The following FOXP1 variants were observed in gnomAD, a reference collection of about 807,000 sequenced individuals.
FOXP1 encodes the protein forkhead box protein P1.
Under a neutral mutation model 98.2 loss-of-function variants are expected in FOXP1, and 15 were observed. The ratio of observed to expected loss-of-function variants is 0.15; its 90% CI spans 0.10 to 0.24. The LOEUF is 0.24. Ranked by LOEUF, FOXP1 falls within the 10% of genes least tolerant of loss-of-function variation. The pLI is 1.00. For missense variants in FOXP1, 633 were observed against 848.5 expected, an observed-to-expected ratio of 0.75 and a Z score of 3.15; for synonymous variants, 371 against 314.5, an observed-to-expected ratio of 1.18 and a Z score of -1.90.
At chr3:71,200,789 G>A (rs2063623893) in intron 5 of FOXP1, among the ~76,000 whole-genome samples, 1 of 152,194 alleles carries the variant, frequency 6.6e-6, no homozygotes, top group Non-Finnish European at 1.5e-5. Context: ...CAATCTTTGG[G>A]TATCTTTAGA....
At chr3:71,004,504 C>T (rs1228401822) in intron 12 of FOXP1, among the ~76,000 whole-genome samples, 3 of 152,056 alleles carry the variant, frequency 2.0e-5, no homozygotes, top group East Asian at 1.9e-4. Context: ...TAGTTAATGG[C>T]TATTAACCTA....
intron 3 of FOXP1, among the ~76,000 whole-genome samples, chr3:71,366,508 AC>A (rs915551460): frequency 1.4e-4 from 22 of 152,280 alleles, no homozygotes; most frequent in Admixed American, 6.5e-4. Context: ...AATAAAATTA[AC>A]AGTATTTGCC....
At chr3:71,583,731 C>G (rs1299109421), upstream of FOXP1, 1 of 985,184 alleles carries the variant, frequency 1.0e-6, no homozygotes, top group East Asian at 1.1e-4. Context: ...GCGAGTACAG[C>G]GTGCAACCGC....
chr3:71,561,908 CAAGT>C (rs2046571358), intron 2 of FOXP1, among the ~76,000 whole-genome samples: 1 of 152,060 alleles, frequency 6.6e-6, no homozygotes, highest in Admixed American at 6.5e-5. Context: ...AAAGAAAATG[CAAGT>C]AAGTATAGCA....
intron 2 of FOXP1, among the ~76,000 whole-genome samples, chr3:71,507,893 TAA>T (rs1254217957): frequency 6.6e-6 from 1 of 152,216 alleles, no homozygotes; most frequent in African/African-American, 2.4e-5. Context: ...TGCTACTTTT[TAA>T]AGTTATTTGA....
chr3:71,321,594 G>C (rs1473648598), intron 4 of FOXP1, among the ~76,000 whole-genome samples: 2 of 151,890 alleles, frequency 1.3e-5, no homozygotes, highest in East Asian at 3.9e-4. Flanking sequence ...GTAACTGGCA[G>C]GCATAATTCA....
intron 11 of FOXP1, among the ~76,000 whole-genome samples, chr3:71,021,589 C>T (rs1384010559): frequency 4.6e-5 from 7 of 152,260 alleles, no homozygotes; most frequent in East Asian, 3.9e-4. Flanking sequence ...GGTAACTCTA[C>T]GGTTGACATT....
At chr3:71,176,743 CAAAAAAAAAAAAAAAAAA>C (rs573639526) in intron 6 of FOXP1, among the ~76,000 whole-genome samples, 11 of 75,520 alleles carry the variant, frequency 1.5e-4, no homozygotes, top group Non-Finnish European at 2.6e-4. Flanking sequence ...GAGGCTATCT[CAAAAAAAAAAAAAAAAAA>C]AAAAAAAAAA....
At chr3:71,282,108 T>C (rs1294291887) in intron 5 of FOXP1, among the ~76,000 whole-genome samples, 1 of 150,766 alleles carries the variant, frequency 6.6e-6, no homozygotes, top group Non-Finnish European at 1.5e-5. Flanking sequence ...AAAAAAAAAA[T>C]CTAAGCTGTA....
At chr3:71,429,941 A>G (rs1355311553) in intron 3 of FOXP1, among the ~76,000 whole-genome samples, 1 of 152,242 alleles carries the variant, frequency 6.6e-6, no homozygotes, top group Admixed American at 6.5e-5. Context: ...TATCCAGTGA[A>G]AAACAAAATT....
chr3:71,147,817 C>A (rs777350244), intron 6 of FOXP1, among the ~76,000 whole-genome samples: 4 of 152,026 alleles, frequency 2.6e-5, no homozygotes, highest in African/African-American at 9.7e-5. Flanking sequence ...AAAAAAAATT[C>A]TCGTCATCTC....
intron 3 of FOXP1, among the ~76,000 whole-genome samples, chr3:71,427,662 G>A (rs756052866): frequency 1.4e-4 from 21 of 152,214 alleles, no homozygotes; most frequent in Non-Finnish European, 2.9e-5. Context: ...CAGAATGAGA[G>A]GAGATGCTCA....
chr3:71,445,977 C>T (rs1436818773), intron 3 of FOXP1, among the ~76,000 whole-genome samples: 1 of 152,142 alleles, frequency 6.6e-6, no homozygotes, highest in African/African-American at 2.4e-5. Context: ...TGTGAGCCAC[C>T]GTGCCCGGCC....
At chr3:71,313,560 C>G (rs2074857022) in intron 4 of FOXP1, among the ~76,000 whole-genome samples, 1 of 150,500 alleles carries the variant, frequency 6.6e-6, no homozygotes, top group South Asian at 2.1e-4. Context: ...CAGTCTCGCA[C>G]TCTCGCCCAG....
chr3:71,162,703 C>CGAAAAT (rs2061202294), intron 6 of FOXP1, among the ~76,000 whole-genome samples: 2 of 152,104 alleles, frequency 1.3e-5, no homozygotes, highest in Non-Finnish European at 2.9e-5. Flanking sequence ...TGTTACTTGC[C>CGAAAAT]AACATGTGGA....
At chr3:71,158,122 A>G (rs1576101266) in intron 6 of FOXP1, among the ~76,000 whole-genome samples, 2 of 23,372 alleles carry the variant, frequency 8.6e-5, no homozygotes, top group Admixed American at 6.3e-4. Flanking sequence ...GGAGGGAGGG[A>G]GGGAGGGAGG....
chr3:71,409,502 G>A (rs1213101202), intron 3 of FOXP1, among the ~76,000 whole-genome samples: 2 of 152,106 alleles, frequency 1.3e-5, no homozygotes, highest in South Asian at 2.1e-4. Context: ...CAAGAAGCAG[G>A]CTAATCTGTC....
At chr3:71,175,780 A>G (rs1435277925) in intron 6 of FOXP1, among the ~76,000 whole-genome samples, 1 of 152,236 alleles carries the variant, frequency 6.6e-6, no homozygotes, top group Non-Finnish European at 1.5e-5. Flanking sequence ...ATGAATCTTT[A>G]AAACTCCTAC....
intron 3 of FOXP1, among the ~76,000 whole-genome samples, chr3:71,367,502 C>G (rs2079004626): frequency 6.6e-6 from 1 of 152,092 alleles, no homozygotes; most frequent in Non-Finnish European, 1.5e-5. Context: ...AAGCTTCTCA[C>G]TGAGTCTTCA....
Sources: allele counts gnomAD v4.1 joint callset (sites outside exome capture counted in the v4.1 genomes callset), GRCh38; gene constraint gnomAD v4.1.1; transcripts MANE v1.5; gene names NCBI Gene and HGNC (gene_info 2026-07-23, HGNC 2026-07-21).